The following LPAR6 variants were observed in gnomAD, a reference collection of about 807,000 sequenced individuals.
The protein encoded by LPAR6 is lysophosphatidic acid receptor 6.
In LPAR6, 17 loss-of-function variants were observed where a neutral mutation model predicts 22.0. That is an observed-to-expected ratio of 0.77 (90% CI 0.53 to 1.16). LPAR6 has a LOEUF of 1.16. Ranked by LOEUF, LPAR6 falls within the 50% of genes most tolerant of loss-of-function variation. The pLI, the probability that LPAR6 is intolerant of heterozygous loss-of-function variation, is 0.00. For synonymous variants in LPAR6, 136 were observed against 139.8 expected (o/e 0.97, Z 0.19); for missense variants, 384 against 406.9 (o/e 0.94, Z 0.48).
chr13:48,429,006 T>G (rs184254590), upstream of LPAR6, among the ~76,000 whole-genome samples: 118 of 152,360 alleles, frequency 7.7e-4, 1 homozygote, highest in African/African-American at 2.8e-3. Context: ...GCTATAAAGC[T>G]ATTCTCTGAT....
upstream of LPAR6, among the ~76,000 whole-genome samples, chr13:48,413,327 T>C (rs1234734432): frequency 6.6e-6 from 1 of 152,214 alleles, no homozygotes; most frequent in Non-Finnish European, 1.5e-5. Flanking sequence ...AAATGCCTTC[T>C]GCGGTGCTGG....
At chr13:48,404,326 C>A (rs982510195) in intron 1 of LPAR6, 1 of 152,002 alleles carries the variant, frequency 6.6e-6, no homozygotes, top group Non-Finnish European at 1.5e-5. Flanking sequence ...AAGTATTGTA[C>A]TGGTAGGTTA....
rs930380524 is a variant in LPAR6, at chr13:48,400,634, TAA to T, written n.115-10824_115-10823del. Among the ~76,000 whole-genome samples the T allele has an allele frequency of 5.3e-5, 8 of 152,252 alleles. No individual in the cohort carries two copies. In the East Asian group the frequency reaches 1.3e-3, roughly 26 times the overall value. ...AACACTGCTATCCCTATTTTATAGA[TAA>T]AGAGACCTGAGGTCCAGAGATGTCA... On this transcript the variant is annotated intron_variant and non_coding_transcript_variant, in intron 1 of 1. Coordinates refer to the LPAR6 transcript ENST00000462781.
rs542185337 is a variant in LPAR6 at position 48,437,900 on chromosome 13, G to A, written c.-1474+6653C>T. 3.3e-5 allele frequency among the ~76,000 whole-genome samples: 5 copies of A among 152,222 alleles called. No individual in the cohort carries two copies. In the East Asian group the frequency reaches 9.6e-4, roughly 29 times the overall value. ...ATTATTGGGGTGATCTTGGAGGCTG[G>A]CTGCCATAGTTATGACTTAGTGTCA... On this transcript the variant is annotated intron_variant, in intron 1 of 6. Coordinates refer to the LPAR6 transcript ENST00000378434.
At chr13:48,404,085 T>C (rs189151043) in intron 1 of LPAR6, 131 of 152,300 alleles carry the variant, frequency 8.6e-4, no homozygotes, top group African/African-American at 3.1e-3. Flanking sequence ...CTAAGCTTGG[T>C]ATGCAGAGTT....
At chr13:48,437,398 A>G (rs915242920) in intron 1 of LPAR6, among the ~76,000 whole-genome samples, 5 of 152,224 alleles carry the variant, frequency 3.3e-5, no homozygotes, top group Non-Finnish European at 7.3e-5. Flanking sequence ...ATCAATTGCT[A>G]TATTAATTAT....
At chr13:48,428,975 C>G (rs1192696623), upstream of LPAR6, among the ~76,000 whole-genome samples, 1 of 152,138 alleles carries the variant, frequency 6.6e-6, no homozygotes, top group African/African-American at 2.4e-5. Context: ...TCAGGATGCT[C>G]CTGGAAGCTG....
chr13:48,411,771 C>T lies in LPAR6; in HGVS notation c.653G>A (p.Ser218Asn). ...CTTAGTTTTGTTTATTTTGCTTCTACTTAATGTAACAGGTTTGGTTAAAGT... is the reference window on the plus strand; with the variant it reads ...CTTAGTTTTGTTTATTTTGCTTCTATTTAATGTAACAGGTTTGGTTAAAGT... Reference protein sequence around the residue: ...LKTLTKPVTLSRSKINKTKVL... With the variant: ...LKTLTKPVTLNRSKINKTKVL... Residue 218 changes from serine to asparagine, a missense_variant, in exon 1 of 1, where the codon AGT becomes AAT. Physicochemically the swap from Ser to Asn is conservative, Grantham distance 46 (BLOSUM62 1). Transcript: ENST00000620633. 1 of 1,611,312 alleles carries T rather than the reference C, an allele frequency of 6.2e-7. No individual in the cohort carries two copies. The highest frequency in any genetic ancestry group is 1.1e-5 in the South Asian group (1 of 90,978).
In LPAR6 at chr13:48,412,851, C is replaced by A. The variant is rs1948840777; in HGVS notation, c.-428G>T. On this transcript the variant is annotated 5_prime_UTR_variant, in exon 1 of 1. Coordinates refer to ENST00000620633, the MANE Select transcript of LPAR6 (RefSeq NM_001162498.3). ...CCAAAGTTAATGTTTCTTTATGCCT[C>A]AGAATGTTAAGCTTAAGTTATCAAT... The A allele has an allele frequency of 5.0e-6, 1 of 198,118 alleles. No homozygotes were observed. Among genetic ancestry groups the A allele is most frequent in the Admixed American group, 5.6e-5 (1 of 17,820 alleles). The allele number at this position is 198,118 out of a possible 1,614,324, so 12.3% of individuals were successfully genotyped here. A position where few individuals can be genotyped will look rare whatever the true frequency, so the allele number is the denominator to read the frequency against.
chr13:48,405,108 A>G lies in LPAR6; in HGVS notation n.114+10592T>C, dbSNP rs117655380. Among the ~76,000 whole-genome samples the G allele has an allele frequency of 0.012, 1,758 of 152,326 alleles. 67 individuals carry two copies. In the East Asian group the frequency reaches 0.12, roughly 10 times the overall value. ...CACAAAAGGGAAATCATAAGACCTAATAAAAAAACTGTCACACCAGAGCAG... is the reference window on the plus strand; with the variant it reads ...CACAAAAGGGAAATCATAAGACCTAGTAAAAAAACTGTCACACCAGAGCAG... On this transcript the variant is annotated intron_variant and non_coding_transcript_variant, in intron 1 of 1. Transcript: ENST00000462781.
chr13:48,414,124 G>A (rs1344683039), upstream of LPAR6, among the ~76,000 whole-genome samples: 1 of 152,132 alleles, frequency 6.6e-6, no homozygotes, highest in Non-Finnish European at 1.5e-5. Context: ...GAGGCAGGTG[G>A]ATCACCTGAG....
chr13:48,421,390 G>A (rs530787729), intron 2 of LPAR6, among the ~76,000 whole-genome samples: 3 of 152,294 alleles, frequency 2.0e-5, no homozygotes, highest in Non-Finnish European at 2.9e-5. Context: ...AGAGTTAAAT[G>A]TAAGACCTAA....
At chr13:48,443,853 T>C (rs555464325) in intron 1 of LPAR6, among the ~76,000 whole-genome samples, 1 of 152,228 alleles carries the variant, frequency 6.6e-6, no homozygotes, top group African/African-American at 2.4e-5. Flanking sequence ...ACATTTTTGT[T>C]GATGACATGC....
intron 1 of LPAR6, among the ~76,000 whole-genome samples, chr13:48,396,869 A>T (rs773578565): frequency 2.2e-4 from 33 of 152,190 alleles, no homozygotes; most frequent in Non-Finnish European, 3.5e-4. Flanking sequence ...GAAGATATTT[A>T]TGTGGCCAAC....
At chr13:48,399,410 T>C (rs1948673655) in intron 1 of LPAR6, among the ~76,000 whole-genome samples, 1 of 151,948 alleles carries the variant, frequency 6.6e-6, no homozygotes, top group African/African-American at 2.4e-5. Flanking sequence ...AATTTTAAGA[T>C]AGATAAGCAG....
rs187575622 is a variant in LPAR6 at position 48,412,314 on chromosome 13, A to C, written c.110T>G (p.Val37Gly). The change falls in exon 1 of 1, where the codon GTT becomes GGT. Residue 37 changes from valine (V) to glycine (G), a missense_variant. Transcript: ENST00000620633. The stretch of plus-strand genomic sequence containing the variant: ...GACGCAGATGAAAATGTATATGGCA[A>C]CACAATTGGATATTAACCCAAGCAC... ...VFVLGLISNC[V>G]AIYIFICVLK... 1 of 1,613,124 alleles carries C rather than the reference A, an allele frequency of 6.2e-7. No individual in the cohort carries two copies. Among genetic ancestry groups the C allele is most frequent in the South Asian group, 1.1e-5 (1 of 91,068 alleles).
chr13:48,412,435 G>T lies in LPAR6; in HGVS notation c.-12C>A. 1.2e-6 allele frequency: 2 copies of T among 1,605,114 alleles called. No homozygotes were observed. The highest frequency in any genetic ancestry group is 1.1e-5 in the South Asian group (1 of 90,862). On this transcript the variant is annotated 5_prime_UTR_variant, in exon 1 of 1. Transcript: ENST00000620633. ...TTAACGCTTACCATCGTAAAGGCACGTCCAATTTTCAGTTTGGAAGCACTT... is the reference window on the plus strand; with the variant it reads ...TTAACGCTTACCATCGTAAAGGCACTTCCAATTTTCAGTTTGGAAGCACTT...
rs182154408 is a variant in LPAR6 at position 48,444,234 on chromosome 13, A to G, written c.-1474+319T>C. ...CTGGAGCTGCTCACAAAACTCAAGG[A>G]TACTGGGCACGGTGGCTCAAGCCTG... is the stretch of plus-strand genomic sequence containing the variant. On this transcript the variant is annotated intron_variant, in intron 1 of 6. Coordinates refer to the LPAR6 transcript ENST00000378434. Among the ~76,000 whole-genome samples the G allele has an allele frequency of 2.0e-4, 30 of 152,106 alleles. No individual in the cohort carries two copies. In the East Asian group the frequency reaches 5.4e-3, roughly 27 times the overall value.
At chr13:48,442,306 T>C (rs955949591) in intron 1 of LPAR6, among the ~76,000 whole-genome samples, 1 of 152,142 alleles carries the variant, frequency 6.6e-6, no homozygotes, top group African/African-American at 2.4e-5. Context: ...GTTCACGCCA[T>C]TCTCCTTCCT....
Sources: allele counts gnomAD v4.1 joint callset (sites outside exome capture counted in the v4.1 genomes callset), GRCh38; gene constraint gnomAD v4.1.1; transcripts MANE v1.5; gene names NCBI Gene and HGNC (gene_info 2026-07-23, HGNC 2026-07-21).